The following ACBD5 variants were observed in gnomAD, a reference collection of about 807,000 sequenced individuals.
The protein encoded by ACBD5 is acyl-CoA binding domain containing 5.
A neutral mutation model predicts 71.8 loss-of-function variants in ACBD5; 40 were observed. The observed-to-expected ratio is 0.56, with a 90% CI of 0.43 to 0.72. ACBD5 has a LOEUF of 0.72. Among genes scored for constraint, ACBD5 ranks in the 30% least tolerant of loss-of-function variants. The pLI, the probability that ACBD5 is intolerant of heterozygous loss-of-function variation, is 0.00. For synonymous variants in ACBD5, 229 were observed against 218.6 expected (o/e 1.05, Z -0.42); for missense variants, 559 against 644.5 (o/e 0.87, Z 1.44).
chr10:27,204,939 A>G (rs906279498), intron 11 of ACBD5, among the ~76,000 whole-genome samples: 1 of 152,168 alleles, frequency 6.6e-6, no homozygotes, highest in African/African-American at 2.4e-5. Flanking sequence ...CATCTTGGCT[A>G]ACATGGTGAA....
At chr10:27,192,506 T>C (rs969701259), downstream of ACBD5, among the ~76,000 whole-genome samples, 13 of 152,030 alleles carry the variant, frequency 8.6e-5, no homozygotes, top group Non-Finnish European at 1.8e-4. Context: ...GGGGCAGCAA[T>C]GGGCATAGCT....
At chr10:27,225,391 C>G (rs2062889340) in intron 4 of ACBD5, among the ~76,000 whole-genome samples, 1 of 152,178 alleles carries the variant, frequency 6.6e-6, no homozygotes, top group Non-Finnish European at 1.5e-5. Context: ...ATTACATGCT[C>G]ATCAACACCA....
At chr10:27,239,785 C>G (rs2065228974) in intron 2 of ACBD5, among the ~76,000 whole-genome samples, 1 of 152,124 alleles carries the variant, frequency 6.6e-6, no homozygotes, top group South Asian at 2.1e-4. Flanking sequence ...CTGGCTCTGT[C>G]GCCCAGGCTG....
At chr10:27,235,282 T>A (rs2064504631) in intron 2 of ACBD5, 70 bp from the exon 3 acceptor site, 1 of 1,548,602 alleles carries the variant, frequency 6.5e-7, no homozygotes, top group African/African-American at 1.4e-5. Flanking sequence ...TAAATTAGCT[T>A]AGCTATACTA....
At chr10:27,231,958 G>A in intron 3 of ACBD5, 138 bp from the exon 4 acceptor site, 1 of 794,564 alleles carries the variant, frequency 1.3e-6, no homozygotes, top group East Asian at 2.6e-5. Flanking sequence ...TCTTAAATGT[G>A]CTACCATGAA....
chr10:27,207,869 G>A (rs1305926839), intron 10 of ACBD5, among the ~76,000 whole-genome samples: 1 of 151,974 alleles, frequency 6.6e-6, no homozygotes, highest in Non-Finnish European at 1.5e-5. Flanking sequence ...TAAGTAGCTG[G>A]GATTACAGGT....
At chr10:27,214,489 G>A (rs1001390107) in intron 8 of ACBD5, among the ~76,000 whole-genome samples, 1 of 151,864 alleles carries the variant, frequency 6.6e-6, no homozygotes, top group Non-Finnish European at 1.5e-5. Context: ...TTACAGGTGT[G>A]AGCCACTGAG....
chr10:27,236,884 C>CAAAAAA (rs5783998), intron 2 of ACBD5, among the ~76,000 whole-genome samples: 2 of 87,138 alleles, frequency 2.3e-5, no homozygotes, highest in Non-Finnish European at 2.2e-5. Context: ...GACTTGGTCT[C>CAAAAAA]AAAAAAAAAA....
intron 4 of ACBD5, among the ~76,000 whole-genome samples, chr10:27,230,181 T>G (rs2063668939): frequency 6.6e-6 from 1 of 151,964 alleles, no homozygotes; most frequent in Non-Finnish European, 1.5e-5. Flanking sequence ...GGCCTATTTG[T>G]TATTGTGTTA....
chr10:27,198,213 C>A (rs781277743), intron 12 of ACBD5, among the ~76,000 whole-genome samples: 9 of 152,164 alleles, frequency 5.9e-5, no homozygotes, highest in Non-Finnish European at 1.3e-4. Flanking sequence ...GAGGCAGGCT[C>A]TCAGGCCTCA....
intron 6 of ACBD5, among the ~76,000 whole-genome samples, 182 bp from the exon 7 acceptor site, chr10:27,218,365 C>A (rs1378368117): frequency 6.6e-6 from 1 of 152,100 alleles, no homozygotes; most frequent in Admixed American, 6.6e-5. Context: ...GAGAGCTCAC[C>A]CAAACTATGT....
At chr10:27,187,751 CA>C (rs11442040) in intron 13 of ACBD5, among the ~76,000 whole-genome samples, 14,882 of 139,270 alleles carry the variant, frequency 0.11, 2,299 homozygotes, top group African/African-American at 0.36. Flanking sequence ...GACTCAGTCT[CA>C]AAAAAAAAAA....
chr10:27,207,312 T>TAAC (rs1408909159), intron 10 of ACBD5, among the ~76,000 whole-genome samples: 13 of 150,554 alleles, frequency 8.6e-5, no homozygotes, highest in African/African-American at 1.2e-4. Context: ...ATAATAATAA[T>TAAC]AACATGTAAC....
chr10:27,201,816 ATATC>A (rs2059958267), intron 12 of ACBD5, among the ~76,000 whole-genome samples: 3 of 152,296 alleles, frequency 2.0e-5, no homozygotes, highest in South Asian at 4.1e-4. Flanking sequence ...GGACTACCCT[ATATC>A]TATCTATCAG....
At chr10:27,235,034 A>G (rs2064463445) in intron 3 of ACBD5, 58 bp downstream of exon 3, 10 of 1,523,952 alleles carry the variant, frequency 6.6e-6, no homozygotes, top group Non-Finnish European at 8.2e-6. Flanking sequence ...AGTAATAGCC[A>G]TATGATAATT....
chr10:27,190,002 AGGCTGGGCATGGT>A (rs1475869220), intron 13 of ACBD5, among the ~76,000 whole-genome samples: 48 of 152,214 alleles, frequency 3.2e-4, no homozygotes, highest in Admixed American at 2.2e-3. Flanking sequence ...ATTGTTTTTT[AGGCTGGGCATGGT>A]GGCTTACGCC....
At chr10:27,195,045 G>A (rs2059268606), downstream of ACBD5, among the ~76,000 whole-genome samples, 1 of 152,048 alleles carries the variant, frequency 6.6e-6, no homozygotes, top group South Asian at 2.1e-4. Flanking sequence ...TTCTCAACCA[G>A]ATGACTAAAT....
chr10:27,222,874 C>A (rs995568830), intron 5 of ACBD5, among the ~76,000 whole-genome samples: 1 of 152,128 alleles, frequency 6.6e-6, no homozygotes, highest in Admixed American at 6.6e-5. Context: ...ACCTGGCCAA[C>A]ATATCCATTT....
At chr10:27,183,525 C>CT (rs1161363438) in intron 13 of ACBD5, among the ~76,000 whole-genome samples, 1 of 152,046 alleles carries the variant, frequency 6.6e-6, no homozygotes, top group Non-Finnish European at 1.5e-5. Context: ...CCTTGTGATC[C>CT]TCCTGCCTCG....
Sources: allele counts gnomAD v4.1 joint callset (sites outside exome capture counted in the v4.1 genomes callset), GRCh38; gene constraint gnomAD v4.1.1; transcripts MANE v1.5; gene names NCBI Gene and HGNC (gene_info 2026-07-23, HGNC 2026-07-21).